Variants in MOB4 observed in about 807,000 individuals in gnomAD.
The protein encoded by MOB4 is MOB-like protein phocein.
A neutral mutation model predicts 32.2 loss-of-function variants in MOB4; 4 were observed. The ratio of observed to expected loss-of-function variants is 0.12; its 90% CI spans 0.06 to 0.28. The LOEUF is 0.28. Ranked by LOEUF, MOB4 falls within the 10% of genes least tolerant of loss-of-function variation. The probability of loss-of-function intolerance (pLI) is 1.00; values close to 1 mark genes in which losing one functional copy is unlikely to be tolerated. For missense variants in MOB4, 158 were observed against 271.2 expected, an observed-to-expected ratio of 0.58 and a Z score of 2.93; for synonymous variants, 88 against 88.1, an observed-to-expected ratio of 1.00 and a Z score of 0.01.
intron 1 of MOB4, chr2:197,516,416 C>T (rs2086412619): frequency 7.3e-7 from 1 of 1,365,854 alleles, no homozygotes; most frequent in Admixed American, 3.0e-5. Flanking sequence ...CCCTGGGCTG[C>T]GAGCCTGTCA....
At chr2:197,532,428 CT>C (rs1275469193) in intron 2 of MOB4, among the ~76,000 whole-genome samples, 2 of 151,974 alleles carry the variant, frequency 1.3e-5, no homozygotes, top group East Asian at 3.9e-4. Flanking sequence ...AATTCCAGTA[CT>C]TTGGGAGGCT....
intron 2 of MOB4, among the ~76,000 whole-genome samples, chr2:197,526,056 G>A (rs2086606402): frequency 6.6e-6 from 1 of 152,094 alleles, no homozygotes; most frequent in African/African-American, 2.4e-5. Flanking sequence ...GCTCTGGCTA[G>A]ACCTTCCAGT....
At chr2:197,515,934 G>T, upstream of MOB4, 2 of 729,292 alleles carry the variant, frequency 2.7e-6, no homozygotes, top group Non-Finnish European at 4.4e-6. Context: ...CGCCTAGCCC[G>T]CTTCTACCCG....
intron 2 of MOB4, among the ~76,000 whole-genome samples, chr2:197,525,419 A>C (rs2086594980): frequency 6.6e-6 from 1 of 152,058 alleles, no homozygotes; most frequent in Non-Finnish European, 1.5e-5. Context: ...TAAAAGAGAC[A>C]TATAGTTGAA....
intron 2 of MOB4, among the ~76,000 whole-genome samples, chr2:197,527,360 A>G (rs757815489): frequency 3.9e-5 from 6 of 152,034 alleles, no homozygotes; most frequent in African/African-American, 1.4e-4. Context: ...AAAAAATTTT[A>G]TCTCCTTATT....
At chr2:197,544,362 A>G (rs2086954554) in intron 5 of MOB4, among the ~76,000 whole-genome samples, 1 of 152,192 alleles carries the variant, frequency 6.6e-6, no homozygotes, top group Non-Finnish European at 1.5e-5. Context: ...ATGAGCCACC[A>G]TGCCTGGCCA....
rs932260386 is a variant in MOB4, at chr2:197,553,417, A to G, written c.*2771A>G. ...TAACGAGCAAAACTCCGTCTCAAAA[A>G]CTCCGTCTCAAAAAAAAAAAATCCT... On this transcript the variant is annotated 3_prime_UTR_variant, in exon 8 of 8. Transcript: ENST00000323303. The G allele has an allele frequency of 6.6e-6, 1 of 151,726 alleles. No homozygotes were observed. Among genetic ancestry groups the G allele is most frequent in the African/African-American group, 2.4e-5 (1 of 41,306 alleles). The allele number at this position is 151,726 out of a possible 1,614,324, so 9.4% of individuals were successfully genotyped here. A position where few individuals can be genotyped will look rare whatever the true frequency, so the allele number is the denominator to read the frequency against.
intron 3 of MOB4, 135 bp from the exon 4 acceptor site, chr2:197,539,971 CATTGT>C: frequency 1.3e-6 from 1 of 796,394 alleles, no homozygotes; most frequent in African/African-American, 1.8e-5. Context: ...AGAAATGTGT[CATTGT>C]CAGTTTAGGT....
At chr2:197,546,641 C>T (rs2086998498) in intron 5 of MOB4, among the ~76,000 whole-genome samples, 1 of 152,106 alleles carries the variant, frequency 6.6e-6, no homozygotes, top group African/African-American at 2.4e-5. Flanking sequence ...CTCAAGTGAT[C>T]TTCCCACTTT....
At chr2:197,545,389 T>C (rs771463415) in intron 5 of MOB4, among the ~76,000 whole-genome samples, 6 of 152,222 alleles carry the variant, frequency 3.9e-5, no homozygotes, top group Non-Finnish European at 8.8e-5. Context: ...TGTTATACTG[T>C]ATTTCTTAAT....
intron 1 of MOB4, among the ~76,000 whole-genome samples, chr2:197,518,031 C>G (rs2086446300): frequency 6.6e-6 from 1 of 151,802 alleles, no homozygotes; most frequent in Non-Finnish European, 1.5e-5. Context: ...ATCCCAGCCA[C>G]TCGGTAGGCT....
chr2:197,528,992 C>T (rs1186468652), intron 2 of MOB4, among the ~76,000 whole-genome samples: 1 of 150,434 alleles, frequency 6.6e-6, no homozygotes, highest in African/African-American at 2.4e-5. Context: ...GACAGAGTCT[C>T]GCTCTGTCAC....
intron 5 of MOB4, among the ~76,000 whole-genome samples, chr2:197,543,050 G>C (rs1298586993): frequency 6.6e-6 from 1 of 152,148 alleles, no homozygotes; most frequent in African/African-American, 2.4e-5. Flanking sequence ...CCAGCACTTT[G>C]GGAGGCCGAG....
chr2:197,526,313 A>T (rs1449802102), intron 2 of MOB4, among the ~76,000 whole-genome samples: 1 of 151,732 alleles, frequency 6.6e-6, no homozygotes, highest in East Asian at 1.9e-4. Context: ...TCTTTTTCTT[A>T]CTTTTTTTAT....
chr2:197,516,107 G>C lies in MOB4; in HGVS notation c.21G>C (p.Thr7=), dbSNP rs747530384. The change falls in exon 1 of 8, where the codon ACG becomes ACC. Residue 7 remains threonine (T), a synonymous_variant. Coordinates refer to ENST00000323303, the MANE Select transcript of MOB4 (RefSeq NM_015387.5). The part of the protein sequence containing the change: MVMAEG[T]AVLRRNRPGT... ...GCACTATGGTCATGGCGGAGGGGACGGCAGTGCTGAGGCGGAACAGGCCGG... is the reference window on the plus strand; with the variant it reads ...GCACTATGGTCATGGCGGAGGGGACCGCAGTGCTGAGGCGGAACAGGCCGG... The C allele has an allele frequency of 1.0e-5, 16 of 1,602,792 alleles. No homozygotes were observed. The highest frequency in any genetic ancestry group is 1.7e-6 in the Non-Finnish European group (2 of 1,175,946).
rs533586574 is a variant in MOB4 at position 197,546,396 on chromosome 2, GTTAA to G, written c.355-1929_355-1926del. 4.0e-5 allele frequency among the ~76,000 whole-genome samples: 6 copies of G among 151,064 alleles called. No individual in the cohort carries two copies. The South Asian group carries it at 1.3e-3, about 32-fold the overall frequency. ...CCCTTTTTAATGTATCTCTTAGAAA[GTTAA>G]TTAATTAATTTTTTGAGACGAAATC... On this transcript the variant is annotated intron_variant, in intron 5 of 7. Transcript: ENST00000323303.
chr2:197,535,770 C>A (rs1366699446), intron 3 of MOB4, 140 bp downstream of exon 3: 3 of 875,780 alleles, frequency 3.4e-6, no homozygotes, highest in Non-Finnish European at 3.5e-6. Context: ...TTCAGTGTCA[C>A]AAGGTTCTCA....
At chr2:197,519,388 G>A (rs1056413484) in intron 1 of MOB4, among the ~76,000 whole-genome samples, 2 of 152,102 alleles carry the variant, frequency 1.3e-5, no homozygotes, top group African/African-American at 2.4e-5. Context: ...GGATAACTCC[G>A]TACCCCCACC....
intron 1 of MOB4, among the ~76,000 whole-genome samples, chr2:197,518,955 T>C (rs1455818801): frequency 2.0e-5 from 3 of 152,004 alleles, no homozygotes; most frequent in Non-Finnish European, 4.4e-5. Context: ...AGATGGGGTT[T>C]CACTGTGTTA....
Sources: allele counts gnomAD v4.1 joint callset (sites outside exome capture counted in the v4.1 genomes callset), GRCh38; gene constraint gnomAD v4.1.1; transcripts MANE v1.5; gene names NCBI Gene and HGNC (gene_info 2026-07-23, HGNC 2026-07-21).